BCOR: variants seen among roughly 807,000 people sequenced by gnomAD.
BCOR encodes the protein BCL-6 corepressor.
Under a neutral mutation model 86.7 loss-of-function variants are expected in BCOR, and 10 were observed. The observed-to-expected ratio is 0.12, with a 90% CI of 0.07 to 0.20. The LOEUF (loss-of-function observed/expected upper bound fraction) is 0.20. Among genes scored for constraint, BCOR ranks in the 10% least tolerant of loss-of-function variants. BCOR has a pLI of 1.00. For synonymous variants in BCOR, 611 were observed against 609.0 expected (o/e 1.00, Z -0.05); for missense variants, 1,259 against 1,452.1 (o/e 0.87, Z 2.16).
intron 11 of BCOR, 60 bp from the exon 12 acceptor site, chrX:40,055,573 T>C: frequency 3.4e-6 from 4 of 1,175,921 alleles, no homozygotes; most frequent in Non-Finnish European, 4.6e-6. Context: ...TATAAAGCAG[T>C]TGTCTCCTTT....
At chrX:40,098,246 C>T (rs1936988920), upstream of BCOR, among the ~76,000 whole-genome samples, 1 of 109,522 alleles carries the variant, frequency 9.1e-6, no homozygotes, top group Admixed American at 9.5e-5. Flanking sequence ...GCCCGAGTTT[C>T]CCCGGCCGTC....
intron 1 of BCOR, among the ~76,000 whole-genome samples, chrX:40,138,101 C>T (rs1187352498): frequency 2.7e-5 from 3 of 111,424 alleles, no homozygotes; most frequent in East Asian, 2.8e-4. Context: ...TACAGGCATG[C>T]GCCATCATGC....
At chrX:40,126,792 T>C (rs1472890828) in intron 1 of BCOR, among the ~76,000 whole-genome samples, 4 of 106,654 alleles carry the variant, frequency 3.8e-5, no homozygotes, top group Admixed American at 2.0e-4. Context: ...GAGGTGGAGG[T>C]TGCAGCGAGC....
In BCOR at chrX:40,110,667, C is replaced by CTTTTTTTTTTTTTTTTTTT. The variant is rs546960508; in HGVS notation, c.-40-32717_-40-32699dup. Among the ~76,000 whole-genome samples the CTTTTTTTTTTTTTTTTTTT allele has an allele frequency of 1.4e-4, 4 of 29,549 alleles. 2 individuals carry two copies. The highest frequency in any genetic ancestry group is 5.5e-3 in the South Asian group (2 of 365). The allele number at this position is 29,549 out of a possible 115,157, so 25.7% of individuals were successfully genotyped here. ...TTCTTTTTTTTCTTTTTTCCTTTTT[C>CTTTTTTTTTTTTTTTTTTT]TTTTTTTTTTTTTTTTTTTTTTTTT... On this transcript the variant is annotated intron_variant, in intron 1 of 14. Coordinates refer to the BCOR transcript ENST00000342274.
intron 10 of BCOR, among the ~76,000 whole-genome samples, chrX:40,059,248 T>C (rs1050336014): frequency 2.7e-5 from 3 of 112,043 alleles, no homozygotes; most frequent in African/African-American, 9.7e-5. Context: ...TTCCCAAATG[T>C]GTATGTCATA....
upstream of BCOR, among the ~76,000 whole-genome samples, chrX:40,098,941 C>G (rs1300111932): frequency 1.8e-5 from 2 of 112,585 alleles, no homozygotes; most frequent in East Asian, 5.6e-4. Flanking sequence ...CTGTATTTCT[C>G]CCGGTTCTCG....
chrX:40,120,616 C>T (rs1327688406), intron 1 of BCOR, among the ~76,000 whole-genome samples: 4 of 111,746 alleles, frequency 3.6e-5, no homozygotes, highest in Non-Finnish European at 7.5e-5. Context: ...ATGGCCCCCA[C>T]AGCAGCCACC....
At chrX:40,123,455 C>T (rs1305298441) in intron 1 of BCOR, among the ~76,000 whole-genome samples, 2 of 110,256 alleles carry the variant, frequency 1.8e-5, no homozygotes, top group East Asian at 5.7e-4. Context: ...CGGGTTCAAG[C>T]GATTCTCCTG....
chrX:40,064,036 A>AG (rs1195662820), intron 7 of BCOR, 84 bp from the exon 8 acceptor site: 14 of 121,230 alleles, frequency 1.2e-4, no homozygotes, highest in South Asian at 3.8e-4. Context: ...GGGGTGGGGG[A>AG]GGGGGGGTGT....
At chrX:40,153,262 G>A (rs189452077) in intron 1 of BCOR, among the ~76,000 whole-genome samples, 92 of 112,945 alleles carry the variant, frequency 8.1e-4, no homozygotes, top group Admixed American at 5.2e-3. Flanking sequence ...GTCGGCTTTG[G>A]CCTTCCAACC....
intron 1 of BCOR, among the ~76,000 whole-genome samples, chrX:40,082,331 G>A (rs1051389317): frequency 2.5e-4 from 27 of 109,075 alleles, no homozygotes; most frequent in Non-Finnish European, 3.6e-4. Context: ...CTTGTCAAGT[G>A]GCACTGACAA....
In BCOR at chrX:40,073,338, G is replaced by A. The variant is rs148886271; in HGVS notation, c.2008C>T (p.Pro670Ser). ...GGTCCTTTGCCATGTAAGGAGAGGG[G>A]ACTTACAGCAATGCCCTCAGGGGCT... The part of the protein sequence containing the change: ...YPAPEGIAVS[P>S]LSLHGKGPVY... The change falls in exon 4 of 15, where the codon CCC becomes TCC. Residue 670 changes from proline to serine, a missense_variant. Physicochemically the swap from Pro to Ser is moderately conservative, Grantham distance 74. This residue lies in a region of BCOR where 534 missense variants were observed against 594.8 expected (regional missense o/e 0.90). Coordinates refer to ENST00000378444, the MANE Select transcript of BCOR (RefSeq NM_001123385.2). The A allele has an allele frequency of 6.7e-5, 81 of 1,209,996 alleles. No homozygotes were observed. Among genetic ancestry groups the A allele is most frequent in the Non-Finnish European group, 8.0e-5 (72 of 894,688 alleles).
intron 1 of BCOR, among the ~76,000 whole-genome samples, chrX:40,080,334 G>A (rs1211304112): frequency 3.6e-5 from 4 of 110,547 alleles, no homozygotes; most frequent in Non-Finnish European, 7.5e-5. Flanking sequence ...CCAGCTACTC[G>A]GGAGGCTGAG....
At chrX:40,069,564 C>T (rs989961035) in intron 6 of BCOR, among the ~76,000 whole-genome samples, 10 of 112,385 alleles carry the variant, frequency 8.9e-5, no homozygotes. Context: ...TTCCTCCAGG[C>T]CCCCAGCCAT....
chrX:40,154,851 G>A (rs183806229), intron 1 of BCOR, among the ~76,000 whole-genome samples: 6 of 112,703 alleles, frequency 5.3e-5, no homozygotes, highest in Non-Finnish European at 1.1e-4. Flanking sequence ...GGCGGAGACG[G>A]CCCTGTTATT....
At chrX:40,079,772 T>C (rs924260672) in intron 1 of BCOR, among the ~76,000 whole-genome samples, 4 of 111,098 alleles carry the variant, frequency 3.6e-5, no homozygotes, top group Non-Finnish European at 5.7e-5. Flanking sequence ...TTCTTCCATC[T>C]TGCAAATACA....
chrX:40,139,101 G>C (rs1175499288), intron 1 of BCOR, among the ~76,000 whole-genome samples: 1 of 106,926 alleles, frequency 9.4e-6, no homozygotes, highest in African/African-American at 3.4e-5. Context: ...CACTATGCAC[G>C]AGGCACACTA....
chrX:40,096,986 C>T (rs1241980465), intron 1 of BCOR, among the ~76,000 whole-genome samples: 1 of 113,348 alleles, frequency 8.8e-6, no homozygotes, highest in Admixed American at 9.2e-5. Flanking sequence ...GCGCCCCCTC[C>T]CTCCCTGGTG....
chrX:40,101,663 C>G (rs1360781794), upstream of BCOR, among the ~76,000 whole-genome samples: 6 of 112,903 alleles, frequency 5.3e-5, no homozygotes, highest in Admixed American at 3.7e-4. Flanking sequence ...CCACACACCT[C>G]CAGCTCCACC....
Sources: gnomAD v4.1 joint callset for allele counts (sites outside exome capture counted in the v4.1 genomes callset) on GRCh38, gnomAD v4.1.1 for gene constraint, gnomAD v4.1.1 regional missense constraint, MANE v1.5 for transcripts, NCBI Gene and HGNC (gene_info 2026-07-23, HGNC 2026-07-21) for gene names.